The following ERG28 variants were observed in gnomAD, a reference collection of about 807,000 sequenced individuals.
The protein encoded by ERG28 is ergosterol biosynthetic protein 28 homolog.
A neutral mutation model predicts 15.7 loss-of-function variants in ERG28; 9 were observed. That is an observed-to-expected ratio of 0.57 (90% CI 0.35 to 1.00). The LOEUF is 1.00. ERG28 is among the 50% of genes least tolerant of loss of function. The pLI is 0.02. For missense variants in ERG28, 117 were observed against 173.3 expected (o/e 0.68, Z 1.82); for synonymous variants, 61 against 68.4 (o/e 0.89, Z 0.53).
intron 1 of ERG28, among the ~76,000 whole-genome samples, chr14:75,659,270 A>G (rs1453983740): frequency 6.6e-6 from 1 of 152,176 alleles, no homozygotes; most frequent in Admixed American, 6.5e-5. Context: ...ATTTTTTGAG[A>G]AAGAAAAGCA....
At position 75,651,671 on chromosome 14, in the gene ERG28, T is replaced by G. The variant is rs1345894747; in HGVS notation, c.344-37A>C. On this transcript the variant is annotated intron_variant, in intron 4 of 4. Coordinates refer to ENST00000256319, the MANE Select transcript of ERG28 (RefSeq NM_007176.4). Reference sequence around the variant, plus strand: ...AGGAAAGACTAGTGACTAACATACATACGGTACCTTTCTTCTCTCTCTCTC... The same window carrying G: ...AGGAAAGACTAGTGACTAACATACAGACGGTACCTTTCTTCTCTCTCTCTC... 11 of 1,599,806 alleles carry G rather than the reference T, an allele frequency of 6.9e-6. No individual in the cohort carries two copies. The African/African-American group carries it at 1.2e-4, about 18-fold the overall frequency.
intron 3 of ERG28, among the ~76,000 whole-genome samples, 160 bp from the exon 4 acceptor site, chr14:75,652,049 C>T (rs1254275587): frequency 1.3e-5 from 2 of 152,188 alleles, no homozygotes; most frequent in South Asian, 2.1e-4. Flanking sequence ...TTGATCACAA[C>T]GATATTCTCA....
At chr14:75,654,653 G>A (rs1302395257) in intron 3 of ERG28, among the ~76,000 whole-genome samples, 1 of 152,194 alleles carries the variant, frequency 6.6e-6, no homozygotes, top group African/African-American at 2.4e-5. Context: ...ACTGGATAAT[G>A]GCCTGCCAGT....
chr14:75,657,252 T>C, intron 2 of ERG28, 118 bp downstream of exon 2: 1 of 1,270,194 alleles, frequency 7.9e-7, no homozygotes, highest in Non-Finnish European at 1.1e-6. Context: ...GGGAAATGGG[T>C]ACCTGTGTTT....
chr14:75,656,904 T>C (rs1594823644), intron 2 of ERG28, among the ~76,000 whole-genome samples: 1 of 152,294 alleles, frequency 6.6e-6, no homozygotes, highest in East Asian at 1.9e-4. Context: ...CCCAGAATCA[T>C]GTAAACCTGA....
At chr14:75,654,458 C>A (rs1463476431) in intron 3 of ERG28, among the ~76,000 whole-genome samples, 2 of 152,218 alleles carry the variant, frequency 1.3e-5, no homozygotes, top group African/African-American at 2.4e-5. Flanking sequence ...CATACACATA[C>A]AACAGTTTAC....
At chr14:75,658,738 T>C (rs1031688150) in intron 1 of ERG28, among the ~76,000 whole-genome samples, 1 of 152,190 alleles carries the variant, frequency 6.6e-6, no homozygotes, top group Non-Finnish European at 1.5e-5. Flanking sequence ...CAGCTCCTCC[T>C]GTAACCTGTC....
chr14:75,656,447 AT>A lies in ERG28; in HGVS notation c.133+922del, dbSNP rs1474842604. 2.0e-5 allele frequency among the ~76,000 whole-genome samples: 3 copies of A among 152,224 alleles called. No homozygotes were observed. In the East Asian group the frequency reaches 5.8e-4, roughly 29 times the overall value. ...AATGTGTGAATCTATATAGGGTTCC[AT>A]GACCACCTGAGGGCAGCATTTGAAG... is the stretch of plus-strand genomic sequence containing the variant. On this transcript the variant is annotated intron_variant, in intron 2 of 4. Coordinates refer to ENST00000256319, the MANE Select transcript of ERG28 (RefSeq NM_007176.4).
At position 75,657,957 on chromosome 14, in the gene ERG28, C is replaced by G. The variant is rs189830331; in HGVS notation, c.-31-424G>C. On this transcript the variant is annotated intron_variant, in intron 1 of 4. Coordinates refer to ENST00000256319, the MANE Select transcript of ERG28 (RefSeq NM_007176.4). The stretch of plus-strand genomic sequence containing the variant: ...TATTTACATCCCTAGGTTTTCTGGA[C>G]TCTGGTTCTCAGGTATACCATGCTC... Among the ~76,000 whole-genome samples the G allele has an allele frequency of 8.5e-5, 13 of 152,276 alleles. No homozygotes were observed. The East Asian group carries it at 2.5e-3, about 29-fold the overall frequency.
In ERG28 at chr14:75,657,433, G is replaced by A. The variant is rs114175766; in HGVS notation, c.70C>T (p.Leu24=). The A allele has an allele frequency of 5.6e-6, 9 of 1,613,916 alleles. No homozygotes were observed. The East Asian group carries it at 1.8e-4, about 32-fold the overall frequency. The change falls in exon 2 of 5, where the codon CTG becomes TTG. Residue 24 remains leucine (L), a synonymous_variant. Coordinates refer to ENST00000256319, the MANE Select transcript of ERG28 (RefSeq NM_007176.4). ...AAAGTGTGGTCTCGGAAGCTCTGCA[G>A]CGTGTTCCCCATGGCTATGATGGAC... The part of the protein sequence containing the change: ...MVSIIAMGNT[L]QSFRDHTFLY...
At chr14:75,653,528 G>A (rs1241879655) in intron 3 of ERG28, among the ~76,000 whole-genome samples, 1 of 151,794 alleles carries the variant, frequency 6.6e-6, no homozygotes, top group Admixed American at 6.6e-5. Context: ...CTTAAACCCA[G>A]GAGGCGGAGG....
At chr14:75,658,186 C>T (rs1890621894) in intron 1 of ERG28, among the ~76,000 whole-genome samples, 2 of 152,132 alleles carry the variant, frequency 1.3e-5, no homozygotes, top group Admixed American at 1.3e-4. Flanking sequence ...GGTTTAGAGA[C>T]AGCAACTTAC....
At chr14:75,652,105 T>G (rs151221523) in intron 3 of ERG28, among the ~76,000 whole-genome samples, 9 of 152,358 alleles carry the variant, frequency 5.9e-5, no homozygotes, top group Non-Finnish European at 4.4e-5. Context: ...GAGAGGAGAA[T>G]GGTTCAGGCA....
intron 1 of ERG28, among the ~76,000 whole-genome samples, chr14:75,658,660 AG>A (rs1463488173): frequency 1.3e-5 from 2 of 152,228 alleles, no homozygotes; most frequent in Non-Finnish European, 2.9e-5. Flanking sequence ...CAAAGTGAAC[AG>A]GGTTCATATG....
At chr14:75,659,051 G>C (rs1890634942) in intron 1 of ERG28, among the ~76,000 whole-genome samples, 1 of 152,186 alleles carries the variant, frequency 6.6e-6, no homozygotes. Flanking sequence ...ACTGTGCCAA[G>C]CACCTAACAT....
chr14:75,659,563 CT>C (rs10706626), intron 1 of ERG28, among the ~76,000 whole-genome samples: 44,843 of 137,976 alleles, frequency 0.33, 8,842 homozygotes, highest in East Asian at 0.59. Flanking sequence ...AGCACCCAGC[CT>C]TTTTTTTTTT....
At chr14:75,652,590 CA>C (rs1257148646) in intron 3 of ERG28, among the ~76,000 whole-genome samples, 1 of 152,018 alleles carries the variant, frequency 6.6e-6, no homozygotes, top group Admixed American at 6.6e-5. Context: ...TTCAAACATA[CA>C]AAAAAATTAC....
intron 2 of ERG28, among the ~76,000 whole-genome samples, chr14:75,656,979 G>A (rs749238066): frequency 1.3e-5 from 2 of 150,302 alleles, no homozygotes; most frequent in African/African-American, 2.5e-5. Flanking sequence ...GCATCACAGA[G>A]TCACCAAGTA....
intron 1 of ERG28, among the ~76,000 whole-genome samples, chr14:75,658,579 T>C (rs1036808282): frequency 1.3e-5 from 2 of 152,206 alleles, no homozygotes; most frequent in African/African-American, 4.8e-5. Context: ...CTTGAGTGTC[T>C]TGGTGTCCTG....
Sources: allele counts gnomAD v4.1 joint callset (sites outside exome capture counted in the v4.1 genomes callset), GRCh38; gene constraint gnomAD v4.1.1; transcripts MANE v1.5; gene names NCBI Gene and HGNC (gene_info 2026-07-23, HGNC 2026-07-21).